SEC14L2: variants seen among roughly 807,000 people sequenced by gnomAD.
SEC14L2 encodes SEC14-like protein 2.
SEC14L2 carries 50 observed loss-of-function variants against 56.9 expected under a neutral mutation model. The observed-to-expected ratio is 0.88, with a 90% CI of 0.70 to 1.11. The LOEUF (loss-of-function observed/expected upper bound fraction) is 1.11. SEC14L2 is among the 50% of genes most tolerant of loss of function. SEC14L2 has a pLI of 0.00. For missense variants in SEC14L2, 414 were observed against 500.7 expected, an observed-to-expected ratio of 0.83 and a Z score of 1.65; for synonymous variants, 179 against 188.5, an observed-to-expected ratio of 0.95 and a Z score of 0.41.
intron 4 of SEC14L2, 30 bp from the exon 5 acceptor site, chr22:30,407,385 A>T (rs1200034293): frequency 6.2e-7 from 1 of 1,606,776 alleles, no homozygotes; most frequent in Non-Finnish European, 8.5e-7. Flanking sequence ...ATGCCTGCTG[A>T]CCAGGTGGCT....
At chr22:30,398,079 G>A (rs1006257892) in intron 1 of SEC14L2, among the ~76,000 whole-genome samples, 1 of 152,288 alleles carries the variant, frequency 6.6e-6, no homozygotes, top group Admixed American at 6.5e-5. Flanking sequence ...AAGGTGGGGC[G>A]GGGGGCAGAT....
intron 7 of SEC14L2, among the ~76,000 whole-genome samples, chr22:30,410,392 T>C (rs553460906): frequency 6.6e-6 from 1 of 152,348 alleles, no homozygotes; most frequent in Admixed American, 6.5e-5. Context: ...CATTTGATTA[T>C]ATCCACTGTA....
chr22:30,401,900 T>C (rs1043258297), intron 2 of SEC14L2, among the ~76,000 whole-genome samples: 2 of 152,104 alleles, frequency 1.3e-5, no homozygotes, highest in Non-Finnish European at 2.9e-5. Flanking sequence ...CCCTATTATT[T>C]CTTTATGGAC....
At chr22:30,416,622 C>T (rs1934398543) in intron 11 of SEC14L2, 1 of 1,457,610 alleles carries the variant, frequency 6.9e-7, no homozygotes, top group Non-Finnish European at 9.0e-7. Flanking sequence ...TGATCTCATA[C>T]TCCTAGGTAT....
rs1207388403 is a variant in SEC14L2 at position 30,423,973 on chromosome 22, C to T, written c.*1566C>T. On this transcript the variant is annotated 3_prime_UTR_variant, in exon 12 of 12. Coordinates refer to ENST00000615189, the MANE Select transcript of SEC14L2 (RefSeq NM_012429.5). Reference sequence around the variant, plus strand: ...TAGATAGGGCGCATGCGCAGAAATCCTCCTCGGCTCTCTAGCGTGAGCTTT... The same window carrying T: ...TAGATAGGGCGCATGCGCAGAAATCTTCCTCGGCTCTCTAGCGTGAGCTTT... The T allele has an allele frequency of 2.0e-5, 3 of 152,178 alleles. No individual in the cohort carries two copies. The highest frequency in any genetic ancestry group is 2.9e-5 in the Non-Finnish European group (2 of 67,968). 9.4% of individuals were successfully genotyped at this position (152,178 alleles called of 1,614,324 possible).
rs1236823867 is a variant in SEC14L2, at chr22:30,424,833, G to C, written c.*2426G>C. On this transcript the variant is annotated 3_prime_UTR_variant, in exon 12 of 12. Transcript: ENST00000615189. ...CTGGGTGAACTGAGGTCCAGCGGGGGAAGGCTTCCTCCTGTTGTAATCACT... is the reference window on the plus strand; with the variant it reads ...CTGGGTGAACTGAGGTCCAGCGGGGCAAGGCTTCCTCCTGTTGTAATCACT... 2.2e-6 allele frequency: 1 copy of C among 456,550 alleles called. No homozygotes were observed. The highest frequency in any genetic ancestry group is 2.0e-5 in the African/African-American group (1 of 50,046). 28.3% of individuals were successfully genotyped at this position (456,550 alleles called of 1,614,324 possible).
At chr22:30,398,258 C>G (rs1236818227) in intron 1 of SEC14L2, among the ~76,000 whole-genome samples, 3 of 152,312 alleles carry the variant, frequency 2.0e-5, no homozygotes, top group Middle Eastern at 3.4e-3. Context: ...AACTGGAGAC[C>G]AGGGGCTGGT....
At chr22:30,397,316 C>A in intron 1 of SEC14L2, 146 bp downstream of exon 1, 1 of 749,708 alleles carries the variant, frequency 1.3e-6, no homozygotes, top group Non-Finnish European at 2.0e-6. Flanking sequence ...GCCTGGCCCG[C>A]GCCCGCGGAT....
chr22:30,413,700 A>G (rs1176172262), intron 8 of SEC14L2, among the ~76,000 whole-genome samples: 1 of 152,184 alleles, frequency 6.6e-6, no homozygotes, highest in Admixed American at 6.5e-5. Context: ...GAGATTTTCC[A>G]AATGTATGCT....
At chr22:30,418,344 T>C (rs1335443744) in intron 11 of SEC14L2, among the ~76,000 whole-genome samples, 3 of 152,188 alleles carry the variant, frequency 2.0e-5, no homozygotes, top group Non-Finnish European at 4.4e-5. Flanking sequence ...CCAGAACCTC[T>C]TGGCCATTGA....
chr22:30,406,926 A>C (rs1227476749), intron 3 of SEC14L2, among the ~76,000 whole-genome samples, 169 bp from the exon 4 acceptor site: 1 of 151,928 alleles, frequency 6.6e-6, no homozygotes, highest in African/African-American at 2.4e-5. Flanking sequence ...TAATTTTTCT[A>C]TTTTTAGTAG....
At chr22:30,417,683 C>T (rs755297137) in intron 11 of SEC14L2, among the ~76,000 whole-genome samples, 17 of 152,190 alleles carry the variant, frequency 1.1e-4, no homozygotes, top group Non-Finnish European at 1.6e-4. Context: ...ATTGTTAGGA[C>T]AAGGCCTGTG....
At chr22:30,406,471 A>G (rs907901078) in intron 3 of SEC14L2, 86 bp downstream of exon 3, 1 of 1,374,092 alleles carries the variant, frequency 7.3e-7, no homozygotes, top group Non-Finnish European at 1.0e-6. Flanking sequence ...TCCCATCCCA[A>G]TCACAGCTTT....
chr22:30,422,126 T>A, intron 11 of SEC14L2, 151 bp from the exon 12 acceptor site: 1 of 939,842 alleles, frequency 1.1e-6, no homozygotes, highest in Non-Finnish European at 1.6e-6. Context: ...AGATTAAGTT[T>A]CAGAAGGTCA....
Position 30,401,486 on chromosome 22 carries a change from G to A in SEC14L2, c.130+1768G>A, listed in dbSNP as rs536526345. On this transcript the variant is annotated intron_variant, in intron 2 of 11. Coordinates refer to ENST00000615189, the MANE Select transcript of SEC14L2 (RefSeq NM_012429.5). ...CAGGCGTGAGCCACCACACCTGGCT[G>A]TTATTTTTATTTTATATTTTTATTT... is the stretch of plus-strand genomic sequence containing the variant. 2.7e-5 allele frequency among the ~76,000 whole-genome samples: 4 copies of A among 150,546 alleles called. No homozygotes were observed. The East Asian group carries it at 7.8e-4, about 29-fold the overall frequency.
At chr22:30,407,714 T>A in intron 5 of SEC14L2, 111 bp downstream of exon 5, 5 of 162,472 alleles carry the variant, frequency 3.1e-5, no homozygotes, top group Non-Finnish European at 5.6e-5. Context: ...AGGCCCAGCC[T>A]TTTTTTTTTT....
chr22:30,407,087 C>G lies in SEC14L2; in HGVS notation c.175-8C>G. The G allele has an allele frequency of 6.2e-7, 1 of 1,613,628 alleles. No individual in the cohort carries two copies. Among genetic ancestry groups the G allele is most frequent in the Non-Finnish European group, 8.5e-7 (1 of 1,179,772 alleles). On this transcript the variant is annotated splice_polypyrimidine_tract_variant and splice_region_variant and intron_variant, in intron 3 of 11. Transcript: ENST00000615189. ...CCTTTTAAAAATTTCCCCATTGTAT[C>G]TTTGTAGCATGTGGAGTTCCGAAAG...
At chr22:30,399,532 A>AG (rs1224716164) in intron 1 of SEC14L2, 111 bp from the exon 2 acceptor site, 22 of 572,248 alleles carry the variant, frequency 3.8e-5, no homozygotes, top group Non-Finnish European at 5.7e-5. Context: ...AAAAAAAAAA[A>AG]AAAAAGAAAC....
intron 11 of SEC14L2, chr22:30,416,779 G>C: frequency 8.1e-7 from 1 of 1,232,018 alleles, no homozygotes; most frequent in Non-Finnish European, 1.0e-6. Flanking sequence ...GTGGGCATGG[G>C]ATCACAAGGT....
Sources: allele counts gnomAD v4.1 joint callset (sites outside exome capture counted in the v4.1 genomes callset), GRCh38; gene constraint gnomAD v4.1.1; transcripts MANE v1.5; gene names NCBI Gene and HGNC (gene_info 2026-07-23, HGNC 2026-07-21).